Variants in TBK1 observed in about 807,000 individuals in gnomAD.
TBK1 encodes serine/threonine-protein kinase TBK1.
TBK1 carries 37 observed loss-of-function variants against 99.9 expected under a neutral mutation model. That is an observed-to-expected ratio of 0.37 (90% CI 0.28 to 0.49). TBK1 has a LOEUF of 0.49. Among genes scored for constraint, TBK1 ranks in the 20% least tolerant of loss-of-function variants. The probability of loss-of-function intolerance (pLI) is 0.98; values close to 1 mark genes in which losing one functional copy is unlikely to be tolerated. For synonymous variants in TBK1, 258 were observed against 279.8 expected, an observed-to-expected ratio of 0.92 and a Z score of 0.78; for missense variants, 644 against 872.5, an observed-to-expected ratio of 0.74 and a Z score of 3.30.
chr12:64,462,085 C>A (rs1372930422), intron 3 of TBK1, among the ~76,000 whole-genome samples: 2 of 152,188 alleles, frequency 1.3e-5, no homozygotes, highest in Admixed American at 1.3e-4. Context: ...TCCCCAGCTC[C>A]TTCCAGAAGT....
At chr12:64,482,851 T>C (rs980910881) in intron 8 of TBK1, among the ~76,000 whole-genome samples, 7 of 152,226 alleles carry the variant, frequency 4.6e-5, no homozygotes, top group Non-Finnish European at 1.0e-4. Flanking sequence ...ATGCAGTTTT[T>C]AGAACTATTC....
rs117570362 is a variant in TBK1, at chr12:64,496,135, A to C, written c.1721-232A>C. Among the ~76,000 whole-genome samples the C allele has an allele frequency of 9.2e-3, 1,397 of 152,250 alleles. 12 individuals are homozygous for C. Among genetic ancestry groups the C allele is most frequent in the Non-Finnish European group, 0.015 (1,042 of 68,008 alleles). On this transcript the variant is annotated intron_variant, in intron 15 of 20. Coordinates refer to ENST00000331710, the MANE Select transcript of TBK1 (RefSeq NM_013254.4). ...TTCTCAAAAAAAGCTAGAAATACAG[A>C]ATTTGTTAGAAATACCTTGATTTTT...
chr12:64,458,627 G>C (rs528878737), intron 2 of TBK1, among the ~76,000 whole-genome samples: 12 of 152,076 alleles, frequency 7.9e-5, no homozygotes, highest in Admixed American at 3.9e-4. Context: ...CCTGGATCCC[G>C]ATAATCTCAC....
In TBK1 at chr12:64,484,210, G is replaced by T. The variant is rs545152049; in HGVS notation, c.993-93G>T. ...GGACTGGTTATGATATTAGGGATATGAATTAGAAATGGATGTTGTTGCACT... is the reference window on the plus strand; with the variant it reads ...GGACTGGTTATGATATTAGGGATATTAATTAGAAATGGATGTTGTTGCACT... On this transcript the variant is annotated intron_variant, in intron 8 of 20. Coordinates refer to ENST00000331710, the MANE Select transcript of TBK1 (RefSeq NM_013254.4). 2.1e-4 allele frequency: 167 copies of T among 800,978 alleles called. No individual in the cohort carries two copies. In the African/African-American group the frequency reaches 2.4e-3, roughly 12 times the overall value. 49.6% of individuals were successfully genotyped at this position (800,978 alleles called of 1,614,324 possible). A position where few individuals can be genotyped will look rare whatever the true frequency, so the allele number is the denominator to read the frequency against.
intron 5 of TBK1, among the ~76,000 whole-genome samples, chr12:64,471,632 A>T (rs996734903): frequency 6.6e-6 from 1 of 151,924 alleles, no homozygotes; most frequent in Non-Finnish European, 1.5e-5. Context: ...GGATTACAGG[A>T]TGTGAGCCAC....
At chr12:64,485,151 A>G (rs932019809) in intron 9 of TBK1, among the ~76,000 whole-genome samples, 1 of 152,182 alleles carries the variant, frequency 6.6e-6, no homozygotes, top group Non-Finnish European at 1.5e-5. Context: ...GTAGAAAAAA[A>G]AATGGATCAC....
At position 64,501,352 on chromosome 12, in the gene TBK1, G is replaced by A. The variant is rs746088816; in HGVS notation, c.2161G>A (p.Gly721Ser). The change falls in exon 21 of 21, where the codon GGT (glycine) becomes AGT (serine). Residue 721 changes from glycine (G) to serine (S), a missense_variant. By Grantham distance (56) the Gly-to-Ser change is moderately conservative. This residue lies in a region of TBK1 where 465 missense variants were observed against 588.0 expected (regional missense o/e 0.79). Coordinates refer to ENST00000331710, the MANE Select transcript of TBK1 (RefSeq NM_013254.4). ...TAGGTTTGGCTCTTTAACCATGGAT[G>A]GTGGCCTTCGCAACGTTGACTGTCT... ...LERFGSLTMD[G>S]GLRNVDCL 6.2e-7 allele frequency: 1 copy of A among 1,613,916 alleles called. No homozygotes were observed. The highest frequency in any genetic ancestry group is 1.7e-5 in the Admixed American group (1 of 59,964).
At chr12:64,469,660 T>C (rs936047858) in intron 5 of TBK1, among the ~76,000 whole-genome samples, 5 of 152,220 alleles carry the variant, frequency 3.3e-5, no homozygotes. Context: ...AATAAATAGC[T>C]CAAGGCCATG....
At chr12:64,454,175 G>GA (rs1455166451) in intron 1 of TBK1, among the ~76,000 whole-genome samples, 10 of 152,126 alleles carry the variant, frequency 6.6e-5, no homozygotes, top group African/African-American at 2.4e-4. Context: ...CAAAACATTT[G>GA]AAGGAGGTAA....
chr12:64,476,678 G>A (rs187135041), intron 6 of TBK1, among the ~76,000 whole-genome samples: 1 of 152,176 alleles, frequency 6.6e-6, no homozygotes, highest in African/African-American at 2.4e-5. Context: ...GTTTAATTAA[G>A]TCTCCTTTGT....
intron 5 of TBK1, 76 bp downstream of exon 5, chr12:64,467,158 C>G (rs1840782820): frequency 8.7e-7 from 1 of 1,148,676 alleles, no homozygotes; most frequent in Non-Finnish European, 1.2e-6. Flanking sequence ...ATTGGTCAGC[C>G]AATTCACTAT....
intron 4 of TBK1, among the ~76,000 whole-genome samples, chr12:64,466,326 A>G (rs2040603656): frequency 6.6e-6 from 1 of 152,206 alleles, no homozygotes; most frequent in African/African-American, 2.4e-5. Context: ...TAATTTCAGC[A>G]AAGTAGACAA....
chr12:64,465,242 C>CAAAAAAAAAAAAA (rs57575805), intron 4 of TBK1, among the ~76,000 whole-genome samples: 7 of 57,912 alleles, frequency 1.2e-4, no homozygotes, highest in East Asian at 5.4e-4. Flanking sequence ...AAGACTATCT[C>CAAAAAAAAAAAAA]AAAAAAAAAA....
Position 64,464,397 on chromosome 12 carries a change from T to A in TBK1, c.292T>A (p.Leu98Ile), listed in dbSNP as rs767134050. ...TCCATGTGGGAGTTTATACACTGTT[T>A]TAGAAGAACCTTCTAATGCCTATGG... ...FCPCGSLYTV[L>I]EEPSNAYGLP... Residue 98 changes from leucine (L) to isoleucine (I), a missense_variant, in exon 4 of 21, where the codon TTA becomes ATA. Around this residue, in one of 3 missense-constraint regions of TBK1, gnomAD observed 148 missense variants for 202.1 expected, o/e 0.73. Coordinates refer to ENST00000331710, the MANE Select transcript of TBK1 (RefSeq NM_013254.4). The A allele has an allele frequency of 3.7e-6, 6 of 1,609,734 alleles. No homozygotes were observed. Among genetic ancestry groups the A allele is most frequent in the Non-Finnish European group, 5.1e-6 (6 of 1,177,878 alleles).
Position 64,496,386 on chromosome 12 carries a change from A to G in TBK1, c.1740A>G (p.Glu580=). ...TTCTAGGATTAGCTTATAATGAAGA[A>G]CAAATCCACAAATTTGATAAGTAAG... is the stretch of plus-strand genomic sequence containing the variant. ...KAERRLAYNE[E]QIHKFDKQKL... is the part of the protein sequence containing the mutation. The change falls in exon 16 of 21, where the codon GAA becomes GAG. Residue 580 remains glutamate, a synonymous_variant. Transcript: ENST00000331710. The G allele has an allele frequency of 8.1e-7, 1 of 1,241,898 alleles. No homozygotes were observed. The highest frequency in any genetic ancestry group is 1.4e-5 in the South Asian group (1 of 70,820). The allele number at this position is 1,241,898 out of a possible 1,614,324, so 76.9% of individuals were successfully genotyped here.
At chr12:64,485,873 C>A in intron 10 of TBK1, 53 bp from the exon 11 acceptor site, 3 of 1,312,584 alleles carry the variant, frequency 2.3e-6, no homozygotes, top group Non-Finnish European at 2.1e-6. Context: ...AAAAGTTTTT[C>A]TTACCCTATA....
chr12:64,470,601 A>C (rs1235353321), intron 5 of TBK1, among the ~76,000 whole-genome samples: 1 of 152,228 alleles, frequency 6.6e-6, no homozygotes, highest in African/African-American at 2.4e-5. Flanking sequence ...TGTTATATAT[A>C]AAATGGAGTT....
intron 16 of TBK1, 50 bp downstream of exon 16, chr12:64,496,456 A>G: frequency 2.2e-6 from 2 of 928,540 alleles, no homozygotes; most frequent in Non-Finnish European, 3.2e-6. Flanking sequence ...TATTTTGGTT[A>G]TCTTTATTAA....
intron 5 of TBK1, 33 bp from the exon 6 acceptor site, chr12:64,474,196 GT>G (rs1364530764): frequency 2.5e-6 from 4 of 1,581,716 alleles, no homozygotes; most frequent in Non-Finnish European, 3.4e-6. Context: ...TGGGTCACAG[GT>G]TCATGATTTT....
Sources: allele counts gnomAD v4.1 joint callset (sites outside exome capture counted in the v4.1 genomes callset), GRCh38; gene constraint gnomAD v4.1.1; regional missense constraint gnomAD v4.1.1; transcripts MANE v1.5; gene names NCBI Gene and HGNC (gene_info 2026-07-23, HGNC 2026-07-21).